The following IHO1 variants were observed in gnomAD, a reference collection of about 807,000 sequenced individuals.
The protein encoded by IHO1 is interactor of HORMAD1 1.
In IHO1, 13 loss-of-function variants were observed where a neutral mutation model predicts 31.0. The observed-to-expected ratio is 0.42, with a 90% CI of 0.27 to 0.67. IHO1 has a LOEUF of 0.67. IHO1 is among the 30% of genes least tolerant of loss of function. The pLI is 0.24. For missense variants in IHO1, 599 were observed against 687.5 expected (o/e 0.87, Z 1.44); for synonymous variants, 221 against 248.4 (o/e 0.89, Z 1.04).
intron 2 of IHO1, among the ~76,000 whole-genome samples, chr3:49,219,570 ACT>A (rs1157361708): frequency 1.3e-5 from 2 of 151,700 alleles, no homozygotes; most frequent in African/African-American, 4.8e-5. Flanking sequence ...CCCTTTCCAC[ACT>A]CTATATTTCT....
intron 2 of IHO1, among the ~76,000 whole-genome samples, chr3:49,212,509 C>T (rs1467316821): frequency 2.2e-5 from 3 of 136,072 alleles, no homozygotes; most frequent in Non-Finnish European, 3.1e-5. Context: ...GAGTGAGACT[C>T]AATCTCAAAA....
intron 1 of IHO1, among the ~76,000 whole-genome samples, chr3:49,208,160 G>T (rs1332080990): frequency 6.6e-6 from 1 of 152,130 alleles, no homozygotes; most frequent in Non-Finnish European, 1.5e-5. Flanking sequence ...GTGTGTTCTT[G>T]CTCTGCACAC....
upstream of IHO1, among the ~76,000 whole-genome samples, chr3:49,196,582 A>G (rs1017184802): frequency 6.6e-6 from 1 of 151,898 alleles, no homozygotes; most frequent in Non-Finnish European, 1.5e-5. Context: ...TCCTGGGTTC[A>G]AGTGATTCTT....
intron 2 of IHO1, among the ~76,000 whole-genome samples, chr3:49,219,230 G>A (rs1341292820): frequency 6.6e-6 from 1 of 152,172 alleles, no homozygotes; most frequent in Non-Finnish European, 1.5e-5. Flanking sequence ...TGTTCATGAT[G>A]GCCTTGACGC....
intron 2 of IHO1, among the ~76,000 whole-genome samples, chr3:49,233,363 A>G (rs1386273440): frequency 6.6e-6 from 1 of 152,218 alleles, no homozygotes; most frequent in Non-Finnish European, 1.5e-5. Flanking sequence ...AAAAGAATAA[A>G]AAAGCATCTA....
At chr3:49,211,636 CAG>C (rs1176975967) in intron 1 of IHO1, 128 bp from the exon 2 acceptor site, 8 of 329,140 alleles carry the variant, frequency 2.4e-5, no homozygotes, top group South Asian at 9.1e-5. Context: ...AAAAAAAAAA[CAG>C]AAATTTTCAC....
chr3:49,200,471 A>AGAAAGAAAGAAAGAAAG (rs1553615423), intron 1 of IHO1: 2 of 339,384 alleles, frequency 5.9e-6, no homozygotes, highest in Admixed American at 4.4e-4. Flanking sequence ...TCTCAAAAAA[A>AGAAAGAAAGAAAGAAAG]AAAAAAAGAA....
At chr3:49,193,095 G>A in the IHO1 span, among the ~76,000 whole-genome samples, 2 of 152,192 alleles carry the variant, frequency 1.3e-5, no homozygotes, top group African/African-American at 4.8e-5. Context: ...TGTTGGCCAG[G>A]TGCGGTCACT....
chr3:49,227,348 C>A (rs561820862), intron 2 of IHO1, among the ~76,000 whole-genome samples: 2 of 152,204 alleles, frequency 1.3e-5, no homozygotes, highest in East Asian at 3.9e-4. Flanking sequence ...CAGGGCTGAG[C>A]CTGTTGATGC....
chr3:49,194,508 G>A (rs1045105753), upstream of IHO1, among the ~76,000 whole-genome samples: 10 of 146,674 alleles, frequency 6.8e-5, no homozygotes, highest in South Asian at 6.4e-4. Context: ...TTTCACTGTG[G>A]TCTCGATCTC....
chr3:49,236,185 G>A (rs1448434996), intron 2 of IHO1, among the ~76,000 whole-genome samples: 1 of 152,160 alleles, frequency 6.6e-6, no homozygotes, highest in East Asian at 1.9e-4. Context: ...CTCCAGCCTG[G>A]GCGACAGAGT....
intron 1 of IHO1, among the ~76,000 whole-genome samples, chr3:49,210,941 C>A (rs1252878202): frequency 6.6e-6 from 1 of 151,752 alleles, no homozygotes; most frequent in Non-Finnish European, 1.5e-5. Context: ...AGTGATCCAC[C>A]CGCCTCGGTC....
At chr3:49,206,091 G>T (rs1357759769) in intron 1 of IHO1, among the ~76,000 whole-genome samples, 1 of 152,160 alleles carries the variant, frequency 6.6e-6, no homozygotes, top group African/African-American at 2.4e-5. Context: ...AGCCTCCCGA[G>T]TAGGTGGGAC....
At chr3:49,197,196 T>C (rs2046004288), upstream of IHO1, among the ~76,000 whole-genome samples, 1 of 150,908 alleles carries the variant, frequency 6.6e-6, no homozygotes, top group Non-Finnish European at 1.5e-5. Context: ...TTCACCGTGT[T>C]AGCCAGGATG....
intron 2 of IHO1, among the ~76,000 whole-genome samples, chr3:49,217,788 G>C (rs1224421879): frequency 6.6e-6 from 1 of 152,196 alleles, no homozygotes; most frequent in Non-Finnish European, 1.5e-5. Flanking sequence ...TTCTCATAAG[G>C]AGCGCACAAC....
chr3:49,208,729 G>A (rs754750332), intron 1 of IHO1, among the ~76,000 whole-genome samples: 5 of 152,098 alleles, frequency 3.3e-5, no homozygotes, highest in Non-Finnish European at 7.4e-5. Flanking sequence ...CAAAGAACTT[G>A]CTTACTTTGC....
At chr3:49,235,260 T>TC (rs2046543699) in intron 2 of IHO1, among the ~76,000 whole-genome samples, 3 of 149,692 alleles carry the variant, frequency 2.0e-5, no homozygotes, top group African/African-American at 7.4e-5. Flanking sequence ...GGAGTCTTAC[T>TC]CTGTTGCCCA....
chr3:49,205,309 C>T (rs1211421636), intron 1 of IHO1, among the ~76,000 whole-genome samples: 4 of 150,712 alleles, frequency 2.7e-5, no homozygotes, highest in African/African-American at 7.3e-5. Context: ...CTATGATATG[C>T]GGTGAGGGCG....
intron 1 of IHO1, chr3:49,200,654 T>G: frequency 5.4e-6 from 4 of 743,322 alleles, no homozygotes; most frequent in Non-Finnish European, 6.6e-6. Flanking sequence ...TTGTATATAG[T>G]TCCATTCCTT....
Sources: gnomAD v4.1 joint callset for allele counts (sites outside exome capture counted in the v4.1 genomes callset) on GRCh38, gnomAD v4.1.1 for gene constraint, MANE v1.5 for transcripts, NCBI Gene and HGNC (gene_info 2026-07-23, HGNC 2026-07-21) for gene names.